The following EHHADH variants were observed in gnomAD, a reference collection of about 807,000 sequenced individuals.
EHHADH encodes the protein enoyl-CoA hydratase and 3-hydroxyacyl CoA dehydrogenase, also known as peroxisomal bifunctional enzyme.
EHHADH carries 48 observed loss-of-function variants against 64.4 expected under a neutral mutation model. That is an observed-to-expected ratio of 0.75 (90% CI 0.59 to 0.95). EHHADH has a LOEUF of 0.95. EHHADH is among the 40% of genes least tolerant of loss of function. The pLI is 0.00. For synonymous variants in EHHADH, 308 were observed against 326.7 expected, an observed-to-expected ratio of 0.94 and a Z score of 0.62; for missense variants, 854 against 876.6, an observed-to-expected ratio of 0.97 and a Z score of 0.33.
rs1245759318 is a variant in EHHADH at position 185,193,151 on chromosome 3, T to A, written c.1247A>T (p.Asp416Val). The part of the protein sequence containing the change: ...LCTNTSALDV[D>V]EIASSTDRPH... ...ACGATCAGTGGAAGAAGCAATCTCA[T>A]CAACATCCAGGGCTGAAGTATTAGT... The change falls in exon 7 of 7, where the codon GAT becomes GTT. Residue 416 changes from aspartate to valine, a missense_variant. Transcript: ENST00000231887. The A allele has an allele frequency of 1.4e-5, 23 of 1,613,288 alleles. No homozygotes were observed. The highest frequency in any genetic ancestry group is 1.9e-5 in the Non-Finnish European group (22 of 1,179,686).
intron 2 of EHHADH, among the ~76,000 whole-genome samples, chr3:185,247,786 C>T (rs552468033): frequency 5.9e-5 from 9 of 152,276 alleles, no homozygotes; most frequent in African/African-American, 1.2e-4. Flanking sequence ...AAGGAAAAGA[C>T]GCCATATATG....
chr3:185,238,777 G>A (rs996762978), intron 2 of EHHADH, among the ~76,000 whole-genome samples: 1 of 152,020 alleles, frequency 6.6e-6, no homozygotes, highest in African/African-American at 2.4e-5. Flanking sequence ...TATTTCTTTT[G>A]CTGTGCAGAA....
intron 6 of EHHADH, among the ~76,000 whole-genome samples, chr3:185,198,577 A>C (rs1718136306): frequency 6.6e-6 from 1 of 151,648 alleles, no homozygotes. Context: ...GGCCAGGCAC[A>C]GTGGCTCATG....
intron 5 of EHHADH, among the ~76,000 whole-genome samples, chr3:185,213,231 T>A (rs1718597590): frequency 6.6e-6 from 1 of 151,494 alleles, no homozygotes; most frequent in Non-Finnish European, 1.5e-5. Context: ...GTTCTCTGTA[T>A]ATCAATGGTT....
chr3:185,239,460 A>T (rs780371766), intron 2 of EHHADH, among the ~76,000 whole-genome samples: 1 of 152,066 alleles, frequency 6.6e-6, no homozygotes, highest in Non-Finnish European at 1.5e-5. Context: ...CATTTATTTC[A>T]TCAGTGTTTT....
At chr3:185,236,730 C>T (rs1009566907) in intron 2 of EHHADH, among the ~76,000 whole-genome samples, 8 of 151,922 alleles carry the variant, frequency 5.3e-5, no homozygotes, top group African/African-American at 1.7e-4. Flanking sequence ...TGTTTTGTTT[C>T]GTGTTTTCAA....
At chr3:185,201,506 C>T (rs774639865) in intron 6 of EHHADH, among the ~76,000 whole-genome samples, 1 of 152,122 alleles carries the variant, frequency 6.6e-6, no homozygotes, top group African/African-American at 2.4e-5. Context: ...GCAGCAGATG[C>T]AGGTCCTCAG....
At chr3:185,252,705 A>G (rs1719782654) in intron 1 of EHHADH, among the ~76,000 whole-genome samples, 1 of 152,212 alleles carries the variant, frequency 6.6e-6, no homozygotes, top group Non-Finnish European at 1.5e-5. Context: ...TTCATAATGA[A>G]TTAATATTAA....
In EHHADH at chr3:185,204,132, CAAAAAAAAAA is replaced by C. The variant is rs1220063126; in HGVS notation, c.910+274_910+283del. On this transcript the variant is annotated intron_variant, in intron 6 of 6. Transcript: ENST00000231887. ...TGGGTGACAGAACAAGACTCTGTCT[CAAAAAAAAAA>C]AAAAAAAAAAAAAAAAGAATAAAAC... Among the ~76,000 whole-genome samples the C allele has an allele frequency of 2.0e-3, 60 of 30,518 alleles. 2 individuals carry two copies. Among genetic ancestry groups the C allele is most frequent in the African/African-American group, 5.2e-3 (54 of 10,462 alleles). 20.0% of individuals were successfully genotyped at this position (30,518 alleles called of 152,430 possible). A position where few individuals can be genotyped will look rare whatever the true frequency, so the allele number is the denominator to read the frequency against.
chr3:185,193,000 A>C lies in EHHADH; in HGVS notation c.1398T>G (p.Ile466Met). ...TGCCTACAACGACTCCAATCTTTTT[A>C]ATCTTTTTTGATAAGTTCATAACAG... ...IATVMNLSKKIKKIGVVVGNC... is the reference protein window; with the variant it reads ...IATVMNLSKKMKKIGVVVGNC... Residue 466 changes from isoleucine to methionine, a missense_variant, in exon 7 of 7, where the codon ATT (isoleucine) becomes ATG (methionine). Coordinates refer to ENST00000231887, the MANE Select transcript of EHHADH (RefSeq NM_001966.4). 1 of 1,614,216 alleles carries C rather than the reference A, an allele frequency of 6.2e-7. No individual in the cohort carries two copies. Among genetic ancestry groups the C allele is most frequent in the Non-Finnish European group, 8.5e-7 (1 of 1,180,044 alleles).
intron 5 of EHHADH, among the ~76,000 whole-genome samples, chr3:185,213,119 C>CAAAAAAAAAAAAAAAAAAAAA (rs550233979): frequency 2.3e-4 from 10 of 43,054 alleles, no homozygotes; most frequent in East Asian, 1.3e-3. Flanking sequence ...GACTCTGTCT[C>CAAAAAAAAAAAAAAAAAAAAA]AAAAAAAAAA....
At chr3:185,246,333 G>T in intron 2 of EHHADH, 2 of 729,912 alleles carry the variant, frequency 2.7e-6, no homozygotes, top group Admixed American at 3.1e-5. Flanking sequence ...GTTTCTGAGG[G>T]CTGCGTTTCC....
rs552961485 is a variant in EHHADH at position 185,246,464 on chromosome 3, G to T, written c.178+1950C>A. 5 of 406,850 alleles carry T rather than the reference G, an allele frequency of 1.2e-5. No individual in the cohort carries two copies. The Admixed American group carries it at 1.8e-4, about 15-fold the overall frequency. 25.2% of individuals were successfully genotyped at this position (406,850 alleles called of 1,614,324 possible). On this transcript the variant is annotated intron_variant, in intron 2 of 6. Transcript: ENST00000231887. ...TATGGATGCGATTCCAGTGGGCTCC[G>T]CATGGATGGGAAGTCAGACAGGTCA...
intron 3 of EHHADH, among the ~76,000 whole-genome samples, chr3:185,232,120 T>A (rs534733810): frequency 8.1e-4 from 124 of 152,292 alleles, no homozygotes; most frequent in Middle Eastern, 3.4e-3. Context: ...AGGAGGGTAC[T>A]TAAATGCGGA....
chr3:185,243,983 A>C (rs1238322546), intron 2 of EHHADH, among the ~76,000 whole-genome samples: 1 of 152,122 alleles, frequency 6.6e-6, no homozygotes, highest in Non-Finnish European at 1.5e-5. Context: ...ATAGCTGTCT[A>C]TCTCTTTTAT....
chr3:185,253,968 G>A lies in EHHADH; in HGVS notation c.55C>T (p.Pro19Ser). Reference protein sequence around the residue: ...NALALIRLRNPPVNAISTTLL... With the variant: ...NALALIRLRNSPVNAISTTLL... ...CGTTACCTGATCGCGTTGACCGGCG[G>A]GTTTCGGAGGCGGATTAGCGCCAAG... Residue 19 changes from proline (P) to serine (S), a missense_variant, in exon 1 of 7, where the codon CCG becomes TCG. Physicochemically the swap from Pro to Ser is moderately conservative, Grantham distance 74. Coordinates refer to ENST00000231887, the MANE Select transcript of EHHADH (RefSeq NM_001966.4). 6.2e-7 allele frequency: 1 copy of A among 1,614,040 alleles called. No homozygotes were observed.
chr3:185,212,728 G>GTA (rs2108634463), intron 5 of EHHADH, among the ~76,000 whole-genome samples: 1 of 152,238 alleles, frequency 6.6e-6, no homozygotes, highest in Admixed American at 6.5e-5. Flanking sequence ...ACTTTAAAGT[G>GTA]TATAGTTCAG....
In EHHADH at chr3:185,225,619, A is replaced by G. The variant is rs569391835; in HGVS notation, c.463+3813T>C. Among the ~76,000 whole-genome samples, 3 of 152,132 alleles carry G rather than the reference A, an allele frequency of 2.0e-5. No individual in the cohort carries two copies. The East Asian group carries it at 5.8e-4, about 29-fold the overall frequency. ...TTACTCCTCTGCTTGAAACACTCCA[A>G]TGCCTTTCTTCCTCATTCACAAGAA... is the stretch of plus-strand genomic sequence containing the variant. On this transcript the variant is annotated intron_variant, in intron 4 of 6. Transcript: ENST00000231887.
intron 2 of EHHADH, chr3:185,245,713 C>G (rs995049024): frequency 1.4e-6 from 1 of 701,272 alleles, no homozygotes; most frequent in Admixed American, 2.3e-5. Context: ...ATCTATAGAA[C>G]CACTTGTACC....
Sources: allele counts gnomAD v4.1 joint callset (sites outside exome capture counted in the v4.1 genomes callset), GRCh38; gene constraint gnomAD v4.1.1; transcripts MANE v1.5; gene names NCBI Gene and HGNC (gene_info 2026-07-23, HGNC 2026-07-21).